RNU6-8: variants seen among roughly 807,000 people sequenced by gnomAD.
The protein encoded by RNU6-8 is RNA, U6 small nuclear 8.
exon 1 of RNU6-8, chr14:32,203,263 C>G (rs770671411): frequency 6.6e-6 from 1 of 152,346 alleles, no homozygotes. Context: ...GCTGCCGAAG[C>G]GAGCACGTTG....
chr14:32,203,200 T>C (rs1343736698), exon 1 of RNU6-8: 2 of 152,446 alleles, frequency 1.3e-5, no homozygotes, highest in African/African-American at 4.8e-5. Context: ...CGTGTCATCC[T>C]TGCGCAGGGG....
exon 1 of RNU6-8, chr14:32,203,229 T>A (rs1365986313): frequency 6.6e-6 from 1 of 152,374 alleles, no homozygotes; most frequent in Non-Finnish European, 1.5e-5. Flanking sequence ...ATCTTCTCTG[T>A]ATCGTTCCAA....
exon 1 of RNU6-8, chr14:32,203,167 A>G (rs539052250): frequency 5.2e-5 from 8 of 152,498 alleles, no homozygotes; most frequent in South Asian, 2.1e-4. Flanking sequence ...ACTGCGCAAA[A>G]TATGGAACGC....
At position 32,203,213 on chromosome 14, in the gene RNU6-8, A is replaced by C. The variant is rs563781028; in HGVS notation, n.57T>G. 1.2e-4 allele frequency: 18 copies of C among 152,502 alleles called. No individual in the cohort carries two copies. The East Asian group carries it at 3.5e-3, about 29-fold the overall frequency. 9.4% of individuals were successfully genotyped at this position (152,502 alleles called of 1,614,324 possible). On this transcript the variant is annotated non_coding_transcript_exon_variant, in exon 1 of 1. Transcript: ENST00000365467. ...TGCGTGTCATCCTTGCGCAGGGGCC[A>C]TGCTAATCTTCTCTGTATCGTTCCA... is the stretch of plus-strand genomic sequence containing the variant.
Position 32,203,233 on chromosome 14 carries a change from G to C in RNU6-8, n.37C>G, listed in dbSNP as rs564459286. On this transcript the variant is annotated non_coding_transcript_exon_variant, in exon 1 of 1. Coordinates refer to ENST00000365467, the Ensembl canonical transcript of RNU6-8. ...GGGCCATGCTAATCTTCTCTGTATC[G>C]TTCCAATTTTAGTATATGTGCTGCC... 4 of 152,408 alleles carry C rather than the reference G, an allele frequency of 2.6e-5. No individual in the cohort carries two copies. In the East Asian group the frequency reaches 7.7e-4, roughly 29 times the overall value. 9.4% of individuals were successfully genotyped at this position (152,408 alleles called of 1,614,324 possible).
exon 1 of RNU6-8, chr14:32,203,233 G>T (rs564459286): frequency 1.3e-5 from 2 of 152,290 alleles, no homozygotes; most frequent in African/African-American, 4.8e-5. Context: ...TCTCTGTATC[G>T]TTCCAATTTT....
At chr14:32,203,191 G>C (rs1380146442) in exon 1 of RNU6-8, 2 of 152,376 alleles carry the variant, frequency 1.3e-5, no homozygotes, top group African/African-American at 2.4e-5. Context: ...ACGAATTTGC[G>C]TGTCATCCTT....
chr14:32,203,215 G>C (rs372067687), exon 1 of RNU6-8: 2 of 152,294 alleles, frequency 1.3e-5, no homozygotes, highest in African/African-American at 4.8e-5. Flanking sequence ...CAGGGGCCAT[G>C]CTAATCTTCT....
exon 1 of RNU6-8, chr14:32,203,250 T>A (rs182699941): frequency 2.0e-5 from 3 of 152,378 alleles, no homozygotes; most frequent in Non-Finnish European, 4.4e-5. Context: ...TTTTAGTATA[T>A]GTGCTGCCGA....
chr14:32,203,193 GTC>G (rs1882865863), exon 1 of RNU6-8: 1 of 152,386 alleles, frequency 6.6e-6, no homozygotes, highest in Non-Finnish European at 1.5e-5. Flanking sequence ...GAATTTGCGT[GTC>G]ATCCTTGCGC....
chr14:32,203,169 A>T (rs1005094662), exon 1 of RNU6-8: 1 of 152,394 alleles, frequency 6.6e-6, no homozygotes, highest in African/African-American at 2.4e-5. Context: ...TGCGCAAAAT[A>T]TGGAACGCTT....
exon 1 of RNU6-8, chr14:32,203,204 G>C (rs1307358725): frequency 1.3e-5 from 2 of 152,360 alleles, no homozygotes; most frequent in African/African-American, 4.8e-5. Context: ...TCATCCTTGC[G>C]CAGGGGCCAT....
At position 32,203,209 on chromosome 14, in the gene RNU6-8, G is replaced by A. The variant is rs367578103; in HGVS notation, n.61C>T. ...AATTTGCGTGTCATCCTTGCGCAGG[G>A]GCCATGCTAATCTTCTCTGTATCGT... On this transcript the variant is annotated non_coding_transcript_exon_variant, in exon 1 of 1. Transcript: ENST00000365467. 4 of 152,436 alleles carry A rather than the reference G, an allele frequency of 2.6e-5. No homozygotes were observed. The East Asian group carries it at 5.8e-4, about 22-fold the overall frequency. The allele number at this position is 152,436 out of a possible 1,614,324, so 9.4% of individuals were successfully genotyped here. A position where few individuals can be genotyped will look rare whatever the true frequency, so the allele number is the denominator to read the frequency against.
chr14:32,203,183 G>A (rs970331099), exon 1 of RNU6-8: 3 of 152,372 alleles, frequency 2.0e-5, no homozygotes, highest in Admixed American at 1.3e-4. Context: ...AACGCTTCAC[G>A]AATTTGCGTG....
At chr14:32,203,198 C>T (rs923659824) in exon 1 of RNU6-8, 2 of 152,380 alleles carry the variant, frequency 1.3e-5, no homozygotes, top group Non-Finnish European at 2.9e-5. Context: ...TGCGTGTCAT[C>T]CTTGCGCAGG....
chr14:32,203,264 G>C (rs186621204), exon 1 of RNU6-8: 7 of 152,330 alleles, frequency 4.6e-5, no homozygotes, highest in African/African-American at 1.2e-4. Context: ...CTGCCGAAGC[G>C]AGCACGTTGA....
exon 1 of RNU6-8, chr14:32,203,248 T>C (rs1428043323): frequency 1.3e-5 from 2 of 152,354 alleles, no homozygotes; most frequent in East Asian, 1.9e-4. Flanking sequence ...AATTTTAGTA[T>C]ATGTGCTGCC....
At chr14:32,203,205 C>T (rs914783447) in exon 1 of RNU6-8, 3 of 152,390 alleles carry the variant, frequency 2.0e-5, no homozygotes, top group Non-Finnish European at 1.5e-5. Context: ...CATCCTTGCG[C>T]AGGGGCCATG....
At chr14:32,203,216 C>CG (rs1329671821) in exon 1 of RNU6-8, 1 of 152,368 alleles carries the variant, frequency 6.6e-6, no homozygotes, top group African/African-American at 2.4e-5. Flanking sequence ...AGGGGCCATG[C>CG]TAATCTTCTC....
Sources: gnomAD v4.1 joint callset for allele counts on GRCh38, gnomAD v4.1.1 for gene constraint, MANE v1.5 for transcripts, NCBI Gene and HGNC (gene_info 2026-07-23, HGNC 2026-07-21) for gene names.